The following PLEKHH1 variants were observed in gnomAD, a reference collection of about 807,000 sequenced individuals.
PLEKHH1 encodes the protein pleckstrin homology, MyTH4 and FERM domain containing H1, also known as pleckstrin homology domain-containing family H member 1.
A neutral mutation model predicts 160.0 loss-of-function variants in PLEKHH1; 104 were observed. That is an observed-to-expected ratio of 0.65 (90% CI 0.55 to 0.76). The LOEUF is 0.76. Ranked by LOEUF, PLEKHH1 falls within the 30% of genes least tolerant of loss-of-function variation. PLEKHH1 has a pLI of 0.00. For missense variants in PLEKHH1, 1,427 were observed against 1,724.1 expected (o/e 0.83, Z 3.05); for synonymous variants, 619 against 678.4 (o/e 0.91, Z 1.36).
intron 3 of PLEKHH1, 36 bp from the exon 4 acceptor site, chr14:67,557,233 G>A (rs747188590): frequency 1.2e-6 from 2 of 1,601,196 alleles, no homozygotes; most frequent in East Asian, 2.2e-5. Flanking sequence ...CCGTGTGAGT[G>A]ATGGGAAGAC....
At chr14:67,579,619 GC>G in intron 21 of PLEKHH1, 101 bp from the exon 22 acceptor site, 3 of 1,157,454 alleles carry the variant, frequency 2.6e-6, no homozygotes, top group Non-Finnish European at 2.4e-6. Context: ...TTTTGTATTT[GC>G]CCTTGCTCCT....
intron 2 of PLEKHH1, among the ~76,000 whole-genome samples, chr14:67,542,857 C>T (rs556578184): frequency 8.5e-5 from 13 of 152,206 alleles, no homozygotes; most frequent in Admixed American, 2.0e-4. Flanking sequence ...TGCACCACCA[C>T]GCCCGGCTAA....
intron 21 of PLEKHH1, 94 bp downstream of exon 21, chr14:67,579,405 C>A: frequency 1.0e-6 from 1 of 1,000,034 alleles, no homozygotes; most frequent in Non-Finnish European, 1.4e-6. Context: ...GCAGATTGTT[C>A]ACTGTTGCCC....
At chr14:67,560,112 C>T (rs2034769979) in intron 5 of PLEKHH1, among the ~76,000 whole-genome samples, 5 of 152,244 alleles carry the variant, frequency 3.3e-5, no homozygotes, top group Admixed American at 2.0e-4. Context: ...CCGCAACCTC[C>T]GCCTCCCGGG....
chr14:67,542,604 AT>A (rs2034015286), intron 2 of PLEKHH1, among the ~76,000 whole-genome samples: 2 of 152,298 alleles, frequency 1.3e-5, no homozygotes, highest in South Asian at 4.1e-4. Context: ...TAATTATTTT[AT>A]TTACAGGTTT....
At chr14:67,581,130 G>T (rs775225052) in intron 23 of PLEKHH1, 92 bp downstream of exon 23, 3 of 794,158 alleles carry the variant, frequency 3.8e-6, no homozygotes, top group South Asian at 1.5e-5. Flanking sequence ...CTATCCAGAC[G>T]GGGGGAGGGA....
Position 67,562,700 on chromosome 14 carries a change from C to CA in PLEKHH1, c.1070dup (p.His357GlnfsTer7), listed in dbSNP as rs2034898715. 6.2e-7 allele frequency: 1 copy of CA among 1,612,788 alleles called. No individual in the cohort carries two copies. Among genetic ancestry groups the CA allele is most frequent in the East Asian group, 2.2e-5 (1 of 44,838 alleles). ...TGAGACTGAGGCCTTCTCAGCCCTC[C>CA]ACCCCTCTGGCCTTCCTGAGCTGGA... On this transcript the variant is annotated frameshift_variant, in exon 7 of 29. Transcript: ENST00000329153. LOFTEE classifies it high-confidence loss of function.
chr14:67,547,338 G>A (rs1048713039), intron 2 of PLEKHH1, among the ~76,000 whole-genome samples: 7 of 152,218 alleles, frequency 4.6e-5, no homozygotes, highest in Non-Finnish European at 2.9e-5. Context: ...GTCAATGTCA[G>A]GATTGTGTCT....
At position 67,579,285 on chromosome 14, in the gene PLEKHH1, G is replaced by A. The variant is rs201272393; in HGVS notation, c.3001G>A (p.Val1001Met). 156 of 1,562,210 alleles carry A rather than the reference G, an allele frequency of 1.0e-4. No homozygotes were observed. The highest frequency in any genetic ancestry group is 4.4e-5 in the Non-Finnish European group (51 of 1,157,678). ...FHHSLPFSIP[V>M]HFTNGTYHVV... Reference sequence around the variant, plus strand: ...CCACTCCTTGCCCTTCAGCATCCCCGTGCACTTTACCAACGGGACTTACCA... The same window carrying A: ...CCACTCCTTGCCCTTCAGCATCCCCATGCACTTTACCAACGGGACTTACCA... Residue 1001 changes from valine (V) to methionine (M), a missense_variant, in exon 21 of 29, where the codon GTG (valine) becomes ATG (methionine). Physicochemically the swap from Val to Met is conservative, Grantham distance 21. This residue lies in a region of PLEKHH1 where 436 missense variants were observed against 607.5 expected (regional missense o/e 0.72). Transcript: ENST00000329153.
intron 5 of PLEKHH1, among the ~76,000 whole-genome samples, chr14:67,561,443 C>T (rs1402430883): frequency 2.0e-5 from 3 of 152,072 alleles, no homozygotes; most frequent in South Asian, 2.1e-4. Flanking sequence ...CCCAGCTACT[C>T]GGGAGGCTGA....
In PLEKHH1 at chr14:67,575,859, A is replaced by T; in HGVS notation, c.2206A>T (p.Ile736Leu). 2 of 1,613,940 alleles carry T rather than the reference A, an allele frequency of 1.2e-6. No individual in the cohort carries two copies. The highest frequency in any genetic ancestry group is 1.7e-6 in the Non-Finnish European group (2 of 1,179,848). Residue 736 changes from isoleucine (I) to leucine (L), a missense_variant, in exon 16 of 29, where the codon ATA becomes TTA. Ile to Leu is a conservative substitution (Grantham distance 5, BLOSUM62 2). This residue lies in a region of PLEKHH1 where 831 missense variants were observed against 929.2 expected (regional missense o/e 0.89). Transcript: ENST00000329153. ...LGCLPVRDAH[I>L]EEVDRSCDSD... is the part of the protein sequence containing the mutation. Reference sequence around the variant, plus strand: ...CTGCCTGCCTGTGCGGGATGCGCACATAGAGGAAGTAGATCGATCCTGTGA... The same window carrying T: ...CTGCCTGCCTGTGCGGGATGCGCACTTAGAGGAAGTAGATCGATCCTGTGA...
intron 26 of PLEKHH1, 137 bp from the exon 27 acceptor site, chr14:67,585,431 A>T (rs779170607): frequency 3.0e-6 from 2 of 656,946 alleles, no homozygotes; most frequent in Non-Finnish European, 5.4e-6. Flanking sequence ...TACAAATATC[A>T]TCTTTGTTTT....
Position 67,578,908 on chromosome 14 carries a change from CTGT to C in PLEKHH1, c.2850-221_2850-219del, listed in dbSNP as rs778949657. On this transcript the variant is annotated intron_variant, in intron 20 of 28. Coordinates refer to ENST00000329153, the MANE Select transcript of PLEKHH1 (RefSeq NM_020715.3). This position sits in a 1 kb window ranked among gnomAD's most constrained non-coding sequence, Gnocchi z 5.0. ...TCCCAAACTGTCCCCAAGTGCTATTCTGTTGTTATGTCCTCTGGGTTCTAGAAG... is the reference window on the plus strand; with the variant it reads ...TCCCAAACTGTCCCCAAGTGCTATTCTGTTATGTCCTCTGGGTTCTAGAAG... Among the ~76,000 whole-genome samples, 22 of 152,214 alleles carry C rather than the reference CTGT, an allele frequency of 1.4e-4. No individual in the cohort carries two copies. The highest frequency in any genetic ancestry group is 2.6e-4 in the Non-Finnish European group (18 of 68,030).
chr14:67,572,974 C>G (rs1404233712), intron 11 of PLEKHH1, among the ~76,000 whole-genome samples: 1 of 152,184 alleles, frequency 6.6e-6, no homozygotes, highest in Non-Finnish European at 1.5e-5. Context: ...GGCCGGCTCT[C>G]TCCTGACGCT....
Position 67,562,170 on chromosome 14 carries a change from T to G in PLEKHH1, c.539T>G (p.Val180Gly). The change falls in exon 7 of 29, where the codon GTG (valine) becomes GGG (glycine). Residue 180 changes from valine to glycine, a missense_variant. Val to Gly is a moderately radical substitution (Grantham distance 109, BLOSUM62 -3). Around this residue, in one of 6 missense-constraint regions of PLEKHH1, gnomAD observed 831 missense variants for 929.2 expected, o/e 0.89. Coordinates refer to ENST00000329153, the MANE Select transcript of PLEKHH1 (RefSeq NM_020715.3). ...IQIAPSRKLL[V>G]PPYGAAEQDS... ...ATAGCTCCTTCACGGAAGCTGCTGGTGCCCCCCTACGGAGCTGCAGAGCAG... is the reference window on the plus strand; with the variant it reads ...ATAGCTCCTTCACGGAAGCTGCTGGGGCCCCCCTACGGAGCTGCAGAGCAG... 1.2e-6 allele frequency: 2 copies of G among 1,611,332 alleles called. No individual in the cohort carries two copies. Among genetic ancestry groups the G allele is most frequent in the Middle Eastern group, 1.7e-4 (1 of 6,042 alleles).
rs1242241303 is a variant in PLEKHH1 at position 67,578,879 on chromosome 14, C to A, written c.2849+248C>A. Among the ~76,000 whole-genome samples the A allele has an allele frequency of 2.0e-5, 3 of 152,234 alleles. No homozygotes were observed. Among genetic ancestry groups the A allele is most frequent in the South Asian group, 2.1e-4 (1 of 4,834 alleles). On this transcript the variant is annotated intron_variant, in intron 20 of 28. Coordinates refer to ENST00000329153, the MANE Select transcript of PLEKHH1 (RefSeq NM_020715.3). The surrounding 1 kb of genome is among the most constrained non-coding windows in gnomAD (Gnocchi z 5.0). ...GTGGCAACTCTCACATGAAGCCACA[C>A]TGCTCCCAAACTGTCCCCAAGTGCT...
chr14:67,543,153 C>A (rs184575832), intron 2 of PLEKHH1, among the ~76,000 whole-genome samples: 209 of 152,280 alleles, frequency 1.4e-3, no homozygotes, highest in Non-Finnish European at 2.4e-3. Context: ...TTAGCAAACC[C>A]TTCTTTCATA....
chr14:67,557,298 A>T lies in PLEKHH1; in HGVS notation c.219A>T (p.Leu73=), dbSNP rs1207346749. 1 of 1,613,804 alleles carries T rather than the reference A, an allele frequency of 6.2e-7. No homozygotes were observed. Among genetic ancestry groups the T allele is most frequent in the East Asian group, 2.2e-5 (1 of 44,890 alleles). Residue 73 remains leucine (L), a synonymous_variant, in exon 4 of 29, where the codon CTA becomes CTT. Coordinates refer to ENST00000329153, the MANE Select transcript of PLEKHH1 (RefSeq NM_020715.3). ...GTGTCATGGAAGAGAAGGTAAAACT[A>T]TCCAATCTGAAGAATGTGGACTCTG... ...QVGVMEEKVK[L]SNLKNVDSEG...
At chr14:67,551,654 C>T (rs924795624) in intron 2 of PLEKHH1, among the ~76,000 whole-genome samples, 7 of 151,964 alleles carry the variant, frequency 4.6e-5, no homozygotes, top group South Asian at 2.1e-4. Flanking sequence ...TTAGGGAGGC[C>T]GAGGCAGGCG....
Sources: allele counts gnomAD v4.1 joint callset (sites outside exome capture counted in the v4.1 genomes callset), GRCh38; gene constraint gnomAD v4.1.1; regional missense constraint gnomAD v4.1.1; non-coding constraint Gnocchi (gnomAD v3.1); transcripts MANE v1.5; gene names NCBI Gene and HGNC (gene_info 2026-07-23, HGNC 2026-07-21).